Variants in RELL1 observed in about 807,000 individuals in gnomAD.
RELL1 encodes RELT-like protein 1.
A neutral mutation model predicts 23.0 loss-of-function variants in RELL1; 10 were observed. The ratio of observed to expected loss-of-function variants is 0.43; its 90% CI spans 0.27 to 0.74. The LOEUF is 0.74. Among genes scored for constraint, RELL1 ranks in the 30% least tolerant of loss-of-function variants. The pLI is 0.19. For synonymous variants in RELL1, 146 were observed against 146.8 expected (o/e 0.99, Z 0.04); for missense variants, 315 against 364.4 (o/e 0.86, Z 1.10).
Position 37,610,637 on chromosome 4 carries a change from GT to G in RELL1, c.*2708del, listed in dbSNP as rs1198312049. Among the ~76,000 whole-genome samples the G allele has an allele frequency of 6.6e-6, 1 of 152,180 alleles. No individual in the cohort carries two copies. The highest frequency in any genetic ancestry group is 2.4e-5 in the African/African-American group (1 of 41,436). On this transcript the variant is annotated 3_prime_UTR_variant, in exon 7 of 7. Transcript: ENST00000454158. The surrounding 1 kb of genome is among the most constrained non-coding windows in gnomAD (Gnocchi z 4.1). The stretch of plus-strand genomic sequence containing the variant: ...GATCACCCACAAGACAACACACTGC[GT>G]TTAACATTTTTATTTTTAACTCCGC...
intron 1 of RELL1, among the ~76,000 whole-genome samples, chr4:37,669,397 C>T (rs1422045286): frequency 3.4e-5 from 5 of 145,854 alleles, no homozygotes; most frequent in African/African-American, 7.6e-5. Flanking sequence ...CCGCCCCGTC[C>T]GGGAGGGAGG....
intron 1 of RELL1, among the ~76,000 whole-genome samples, chr4:37,670,137 C>A (rs1721781604): frequency 6.7e-6 from 1 of 149,546 alleles, no homozygotes; most frequent in South Asian, 2.1e-4. Flanking sequence ...TGTTTTCTTG[C>A]TGGAACTCTG....
At chr4:37,603,923 A>G (rs559596669) in intron 6 of RELL1, among the ~76,000 whole-genome samples, 1 of 152,296 alleles carries the variant, frequency 6.6e-6, no homozygotes, top group African/African-American at 2.4e-5. Context: ...GGCTTAAGCA[A>G]TCCTCCCATC....
intron 1 of RELL1, among the ~76,000 whole-genome samples, chr4:37,664,352 GAC>G (rs1721456620): frequency 6.8e-6 from 1 of 146,898 alleles, no homozygotes; most frequent in Non-Finnish European, 1.5e-5. Flanking sequence ...CCATCACTGT[GAC>G]AGAGTGAGAC....
chr4:37,657,400 A>C (rs982130961), intron 1 of RELL1, among the ~76,000 whole-genome samples: 6 of 152,130 alleles, frequency 3.9e-5, no homozygotes, highest in African/African-American at 1.4e-4. Flanking sequence ...CTCAGGGTGA[A>C]GGGAAGAAAT....
At chr4:37,646,391 T>C (rs2109279334) in intron 3 of RELL1, among the ~76,000 whole-genome samples, 1 of 152,178 alleles carries the variant, frequency 6.6e-6, no homozygotes, top group Admixed American at 6.5e-5. Flanking sequence ...AAGGATGACA[T>C]AGAGTAGACA....
chr4:37,650,015 T>C (rs1001390990), intron 1 of RELL1, among the ~76,000 whole-genome samples: 2 of 152,210 alleles, frequency 1.3e-5, no homozygotes, highest in African/African-American at 4.8e-5. Context: ...TCTTGATGCC[T>C]TGGTTTCTTA....
intron 6 of RELL1, among the ~76,000 whole-genome samples, chr4:37,626,238 G>T (rs920752179): frequency 2.6e-5 from 4 of 152,130 alleles, no homozygotes; most frequent in African/African-American, 4.8e-5. Context: ...AGCACTTTGG[G>T]AGGCCGAGGC....
chr4:37,652,585 G>A (rs190929325), intron 1 of RELL1, among the ~76,000 whole-genome samples: 5 of 152,142 alleles, frequency 3.3e-5, no homozygotes, highest in Non-Finnish European at 5.9e-5. Flanking sequence ...TTTCAATCTG[G>A]GGGTGAAAAT....
Position 37,604,459 on chromosome 4 carries a change from C to T in RELL1, c.*4-13242G>A, listed in dbSNP as rs980133483. The stretch of plus-strand genomic sequence containing the variant: ...ACAAATGACCAAATCAACCTTTCCA[C>T]TTCCTCAGCATAAGCTGTTATTGAT... On this transcript the variant is annotated intron_variant, in intron 6 of 6. Coordinates refer to the RELL1 transcript ENST00000314117. Among the ~76,000 whole-genome samples the T allele has an allele frequency of 3.3e-5, 5 of 152,158 alleles. No homozygotes were observed. The East Asian group carries it at 9.6e-4, about 29-fold the overall frequency.
intron 4 of RELL1, 140 bp downstream of exon 4, chr4:37,638,307 C>G: frequency 1.4e-6 from 1 of 693,234 alleles, no homozygotes; most frequent in Non-Finnish European, 2.6e-6. Flanking sequence ...TTCCGCACAG[C>G]AAAGAACTAC....
intron 1 of RELL1, among the ~76,000 whole-genome samples, chr4:37,666,545 T>C (rs921581465): frequency 1.3e-5 from 2 of 152,242 alleles, no homozygotes; most frequent in African/African-American, 4.8e-5. Context: ...TATTATTATC[T>C]GTGGTAATAA....
At chr4:37,627,661 T>C (rs1719996543) in intron 6 of RELL1, among the ~76,000 whole-genome samples, 1 of 152,182 alleles carries the variant, frequency 6.6e-6, no homozygotes, top group Non-Finnish European at 1.5e-5. Flanking sequence ...ATTTAGAATA[T>C]AAGTTTAGTT....
chr4:37,605,169 G>A (rs1719156655), intron 6 of RELL1, among the ~76,000 whole-genome samples: 1 of 152,176 alleles, frequency 6.6e-6, no homozygotes, highest in African/African-American at 2.4e-5. Flanking sequence ...GGAGTCAGAA[G>A]TAGCAGTGTG....
chr4:37,624,582 C>T (rs986717498), intron 6 of RELL1, among the ~76,000 whole-genome samples: 1 of 151,778 alleles, frequency 6.6e-6, no homozygotes, highest in Non-Finnish European at 1.5e-5. Context: ...CGCCACCACG[C>T]CCGGCTAATT....
chr4:37,595,377 A>C (rs2109476547), intron 6 of RELL1, among the ~76,000 whole-genome samples: 1 of 152,322 alleles, frequency 6.6e-6, no homozygotes, highest in African/African-American at 2.4e-5. Flanking sequence ...AACTATTAGC[A>C]ATTTTTTTCA....
intron 6 of RELL1, among the ~76,000 whole-genome samples, chr4:37,598,909 T>C (rs1469313264): frequency 6.6e-6 from 1 of 152,060 alleles, no homozygotes; most frequent in African/African-American, 2.4e-5. Context: ...GGTCTCGAAC[T>C]CCTGAGCTCA....
intron 1 of RELL1, among the ~76,000 whole-genome samples, chr4:37,675,555 G>A (rs934612746): frequency 5.9e-5 from 9 of 152,176 alleles, no homozygotes; most frequent in African/African-American, 2.2e-4. Context: ...GCTCTAGTTA[G>A]ACAAAACAAA....
intron 1 of RELL1, among the ~76,000 whole-genome samples, chr4:37,669,767 C>A (rs947603252): frequency 5.9e-5 from 9 of 152,310 alleles, no homozygotes; most frequent in Admixed American, 3.9e-4. Flanking sequence ...GCAACATGTG[C>A]TGTGTCCACT....
Sources: gnomAD v4.1 joint callset for allele counts (sites outside exome capture counted in the v4.1 genomes callset) on GRCh38, gnomAD v4.1.1 for gene constraint, Gnocchi (gnomAD v3.1) non-coding constraint, MANE v1.5 for transcripts, NCBI Gene and HGNC (gene_info 2026-07-23, HGNC 2026-07-21) for gene names.